Variants in CDH13 observed in about 807,000 individuals in gnomAD.
CDH13 encodes cadherin-13.
In CDH13, 24 loss-of-function variants were observed where a neutral mutation model predicts 63.8. The ratio of observed to expected loss-of-function variants is 0.38; its 90% confidence interval spans 0.27 to 0.53. The LOEUF (loss-of-function observed/expected upper bound fraction) is 0.53. Among genes scored for constraint, CDH13 ranks in the 20% least tolerant of loss-of-function variants. CDH13 has a pLI of 0.85. For synonymous variants in CDH13, 503 were observed against 355.3 expected, an observed-to-expected ratio of 1.42 and a Z score of -4.67; for missense variants, 1,049 against 903.1, an observed-to-expected ratio of 1.16 and a Z score of -2.07.
chr16:83,338,794 T>G (rs2090657854), intron 5 of CDH13, among the ~76,000 whole-genome samples: 1 of 152,186 alleles, frequency 6.6e-6, no homozygotes, highest in Non-Finnish European at 1.5e-5. Context: ...TGAAAAAAGA[T>G]GAGTGTAACT....
intron 5 of CDH13, among the ~76,000 whole-genome samples, chr16:83,269,487 A>G (rs1362564935): frequency 6.6e-6 from 1 of 151,526 alleles, no homozygotes; most frequent in Non-Finnish European, 1.5e-5. Flanking sequence ...GCAGAATAAA[A>G]TTCTTAAACA....
chr16:83,518,692 C>T (rs1175592496), intron 7 of CDH13, among the ~76,000 whole-genome samples: 1 of 151,376 alleles, frequency 6.6e-6, no homozygotes, highest in African/African-American at 2.4e-5. Context: ...AGGATGGTCT[C>T]GATCTCCTGA....
chr16:83,229,818 G>A (rs970259961), intron 5 of CDH13, among the ~76,000 whole-genome samples: 1 of 152,158 alleles, frequency 6.6e-6, no homozygotes, highest in South Asian at 2.1e-4. Context: ...CCTCGTTCCT[G>A]TTTCTGCATG....
chr16:82,739,589 A>G (rs1342405505), intron 1 of CDH13, among the ~76,000 whole-genome samples: 1 of 152,226 alleles, frequency 6.6e-6, no homozygotes, highest in African/African-American at 2.4e-5. Flanking sequence ...AAAAGTGTTA[A>G]GGGAAGAAGT....
At chr16:83,599,193 A>G (rs1907551469) in intron 7 of CDH13, among the ~76,000 whole-genome samples, 1 of 152,258 alleles carries the variant, frequency 6.6e-6, no homozygotes, top group Non-Finnish European at 1.5e-5. Flanking sequence ...TGCTTGAGGC[A>G]GTCCTGTAGC....
intron 3 of CDH13, among the ~76,000 whole-genome samples, chr16:83,056,628 C>G (rs1460861972): frequency 1.3e-5 from 2 of 152,136 alleles, no homozygotes; most frequent in Non-Finnish European, 2.9e-5. Context: ...GTGATGTGAA[C>G]TAATCTATAT....
At chr16:83,602,096 AAGAACAAC>A (rs1567797457) in intron 7 of CDH13, among the ~76,000 whole-genome samples, 1 of 71,694 alleles carries the variant, frequency 1.4e-5, no homozygotes, top group East Asian at 3.1e-4. Context: ...AAAAAAAAAA[AAGAACAAC>A]AACAAAAAAA....
At chr16:83,140,712 C>T (rs760631001) in intron 4 of CDH13, among the ~76,000 whole-genome samples, 1 of 152,168 alleles carries the variant, frequency 6.6e-6, no homozygotes, top group African/African-American at 2.4e-5. Context: ...GCCTGGGCCT[C>T]CAAAAGTGCT....
intron 1 of CDH13, among the ~76,000 whole-genome samples, chr16:82,815,337 C>T (rs751545947): frequency 6.6e-6 from 1 of 152,118 alleles, no homozygotes; most frequent in Non-Finnish European, 1.5e-5. Flanking sequence ...TCACTCTCTG[C>T]CTCAGTTTCC....
chr16:82,926,560 T>C (rs1187164676), intron 2 of CDH13, among the ~76,000 whole-genome samples: 2 of 152,320 alleles, frequency 1.3e-5, no homozygotes, highest in East Asian at 3.9e-4. Context: ...TGATGGCATT[T>C]TAGGCTTGAC....
At chr16:82,861,248 C>G (rs1466303187) in intron 2 of CDH13, among the ~76,000 whole-genome samples, 1 of 152,224 alleles carries the variant, frequency 6.6e-6, no homozygotes. Context: ...TTGTGCCCTA[C>G]TCATGACATT....
chr16:82,902,526 C>T (rs1469558871), intron 2 of CDH13, among the ~76,000 whole-genome samples: 1 of 152,036 alleles, frequency 6.6e-6, no homozygotes, highest in African/African-American at 2.4e-5. Context: ...TTCTCATTTT[C>T]TTTCTTTCCT....
At chr16:83,652,170 A>G (rs1274321488) in intron 8 of CDH13, among the ~76,000 whole-genome samples, 3 of 152,232 alleles carry the variant, frequency 2.0e-5, no homozygotes, top group Admixed American at 2.0e-4. Flanking sequence ...TGAAATGGGA[A>G]TCAGTGGTGC....
chr16:83,136,854 G>T (rs1164862598), intron 4 of CDH13, among the ~76,000 whole-genome samples: 2 of 152,240 alleles, frequency 1.3e-5, no homozygotes, highest in African/African-American at 4.8e-5. Context: ...TTTGGGTAGG[G>T]ATGTGCTGGA....
At chr16:82,726,061 G>T (rs1394222862) in intron 1 of CDH13, among the ~76,000 whole-genome samples, 8 of 152,102 alleles carry the variant, frequency 5.3e-5, no homozygotes, top group Non-Finnish European at 1.0e-4. Context: ...CTGGTACAGG[G>T]TTTCATTAAT....
chr16:83,589,540 G>T (rs1041015029), intron 7 of CDH13, among the ~76,000 whole-genome samples: 5 of 151,736 alleles, frequency 3.3e-5, no homozygotes, highest in African/African-American at 4.8e-5. Flanking sequence ...GCCACCTAAG[G>T]TAAAATATTC....
intron 1 of CDH13, among the ~76,000 whole-genome samples, chr16:82,679,735 G>A (rs1914337909): frequency 6.6e-6 from 1 of 152,076 alleles, no homozygotes; most frequent in East Asian, 1.9e-4. Flanking sequence ...TTTAGATTTT[G>A]GATCATTTAC....
At chr16:82,690,100 A>T (rs1303955851) in intron 1 of CDH13, among the ~76,000 whole-genome samples, 3 of 138,626 alleles carry the variant, frequency 2.2e-5, no homozygotes, top group African/African-American at 8.0e-5. Context: ...CCTGGGAGGC[A>T]GAGGTTGCAG....
At position 83,770,919 on chromosome 16, in the gene CDH13, A is replaced by G. The variant is rs548272589; in HGVS notation, c.1682-9049A>G. On this transcript the variant is annotated intron_variant, in intron 11 of 13. Transcript: ENST00000567109. ...CCTTAACCACCTGGGAAGGCAGCCC[A>G]GTAGATCTCTGCCTCATTTTACCCA... Among the ~76,000 whole-genome samples the G allele has an allele frequency of 2.0e-5, 3 of 152,290 alleles. No individual in the cohort carries two copies. The South Asian group carries it at 6.2e-4, about 32-fold the overall frequency.
Sources: gnomAD v4.1 joint callset for allele counts (sites outside exome capture counted in the v4.1 genomes callset) on GRCh38, gnomAD v4.1.1 for gene constraint, MANE v1.5 for transcripts, NCBI Gene and HGNC (gene_info 2026-07-23, HGNC 2026-07-21) for gene names.